SFSWAP: variants seen among roughly 807,000 people sequenced by gnomAD.
SFSWAP encodes the protein splicing factor, suppressor of white-apricot homolog.
In SFSWAP, 17 loss-of-function variants were observed where a neutral mutation model predicts 100.7. That is an observed-to-expected ratio of 0.17 (90% CI 0.12 to 0.25). The LOEUF (loss-of-function observed/expected upper bound fraction) is 0.25, where lower values mean the gene tolerates loss of function less well. Among genes scored for constraint, SFSWAP ranks in the 10% least tolerant of loss-of-function variants. The pLI is 1.00. For missense variants in SFSWAP, 1,005 were observed against 1,262.6 expected, an observed-to-expected ratio of 0.80 and a Z score of 3.09; for synonymous variants, 504 against 510.1, an observed-to-expected ratio of 0.99 and a Z score of 0.16.
chr12:131,796,839 G>T (rs544955344), intron 15 of SFSWAP: 16 of 218,376 alleles, frequency 7.3e-5, no homozygotes, highest in Non-Finnish European at 1.3e-4. Flanking sequence ...TAAATTTCCT[G>T]TATCTTTTTG....
chr12:131,743,096 T>A (rs2136210890), intron 7 of SFSWAP, among the ~76,000 whole-genome samples: 1 of 152,326 alleles, frequency 6.6e-6, no homozygotes, highest in Non-Finnish European at 1.5e-5. Flanking sequence ...TCCCACAACA[T>A]GTGGGAATAG....
chr12:131,720,688 C>T (rs1046858113), intron 4 of SFSWAP, among the ~76,000 whole-genome samples: 5 of 152,128 alleles, frequency 3.3e-5, no homozygotes, highest in Non-Finnish European at 5.9e-5. Context: ...TTGAGTTCAG[C>T]GTGAATTTGA....
At chr12:131,766,044 A>C in intron 12 of SFSWAP, 74 bp from the exon 13 acceptor site, 12 of 1,458,032 alleles carry the variant, frequency 8.2e-6, no homozygotes, top group South Asian at 2.7e-5. Context: ...ACACTTTTGC[A>C]ACCTGTGAAA....
chr12:131,758,728 C>T (rs533448829), intron 11 of SFSWAP, among the ~76,000 whole-genome samples: 2 of 152,332 alleles, frequency 1.3e-5, no homozygotes, highest in South Asian at 2.1e-4. Flanking sequence ...AGGCAGATCA[C>T]TTGAGTCCAG....
chr12:131,726,798 G>A, intron 5 of SFSWAP, 142 bp from the exon 6 acceptor site: 6 of 606,462 alleles, frequency 9.9e-6, no homozygotes, highest in Non-Finnish European at 1.4e-5. Flanking sequence ...GGACAACTTG[G>A]GTGACTCTAG....
intron 4 of SFSWAP, among the ~76,000 whole-genome samples, chr12:131,724,489 A>T (rs902897820): frequency 3.3e-5 from 5 of 152,258 alleles, no homozygotes; most frequent in Non-Finnish European, 1.5e-5. Flanking sequence ...AAATTAGAGA[A>T]TTAAGCCATT....
intron 11 of SFSWAP, among the ~76,000 whole-genome samples, chr12:131,762,244 CA>C (rs1000032574): frequency 6.7e-6 from 1 of 149,424 alleles, no homozygotes; most frequent in Non-Finnish European, 1.5e-5. Context: ...AAAAAAAAAA[CA>C]AAAAAAAAGT....
At chr12:131,738,763 T>C (rs1880288090) in intron 7 of SFSWAP, among the ~76,000 whole-genome samples, 1 of 152,164 alleles carries the variant, frequency 6.6e-6, no homozygotes, top group Non-Finnish European at 1.5e-5. Context: ...CTTCTAGCTG[T>C]AGCAACTACC....
At position 131,711,409 on chromosome 12, in the gene SFSWAP, C is replaced by T. The variant is rs1877321549; in HGVS notation, c.180C>T (p.Leu60=). The T allele has an allele frequency of 3.1e-6, 5 of 1,613,682 alleles. No individual in the cohort carries two copies. The East Asian group carries it at 6.7e-5, about 22-fold the overall frequency. The change falls in exon 1 of 18, where the codon CTC becomes CTT. Residue 60 remains leucine (L), a synonymous_variant. Transcript: ENST00000261674. This position sits in a 1 kb window ranked among gnomAD's most constrained non-coding sequence, Gnocchi z 4.9. ...TGGCTCAGGAACAGGGACAGCACCT[C>T]ATCCCCTGGATGGGGGACCACAAGA... ...RALAQEQGQH[L]IPWMGDHKIL...
Position 131,711,531 on chromosome 12 carries a change from C to A in SFSWAP, c.218+84C>A. 8.3e-7 allele frequency: 1 copy of A among 1,198,380 alleles called. No individual in the cohort carries two copies. The highest frequency in any genetic ancestry group is 1.2e-6 in the Non-Finnish European group (1 of 830,246). The allele number at this position is 1,198,380 out of a possible 1,614,324, so 74.2% of individuals were successfully genotyped here. A position where few individuals can be genotyped will look rare whatever the true frequency, so the allele number is the denominator to read the frequency against. On this transcript the variant is annotated intron_variant, in intron 1 of 17. Coordinates refer to ENST00000261674, the MANE Select transcript of SFSWAP (RefSeq NM_004592.4). This position sits in a 1 kb window ranked among gnomAD's most constrained non-coding sequence, Gnocchi z 4.9. ...GATGTTGACTTGACTGCAAGGACTG[C>A]AGAGAGTTTTCTGGAGCCAGCGGGG...
intron 15 of SFSWAP, among the ~76,000 whole-genome samples, chr12:131,789,365 A>G (rs1251194919): frequency 1.3e-5 from 2 of 152,146 alleles, no homozygotes; most frequent in Non-Finnish European, 2.9e-5. Context: ...AGTTTTTAAA[A>G]TAGTACAATG....
chr12:131,753,606 C>G, intron 8 of SFSWAP: 1 of 543,356 alleles, frequency 1.8e-6, no homozygotes, highest in Non-Finnish European at 3.2e-6. Flanking sequence ...TCACGTCGCA[C>G]GCTGGCCCCA....
rs1047065914 is a variant in SFSWAP at position 131,734,814 on chromosome 12, C to T, written c.1081+6386C>T. 2.6e-5 allele frequency among the ~76,000 whole-genome samples: 4 copies of T among 151,944 alleles called. No homozygotes were observed. The highest frequency in any genetic ancestry group is 3.9e-4 in the East Asian group (2 of 5,180). Reference sequence around the variant, plus strand: ...CTCCCTGCGTGCGCACGTCTACGTACGCTCGTGTATGCTGAGGAGCAGGCA... The same window carrying T: ...CTCCCTGCGTGCGCACGTCTACGTATGCTCGTGTATGCTGAGGAGCAGGCA... On this transcript the variant is annotated intron_variant, in intron 7 of 17. Transcript: ENST00000261674. This position sits in a 1 kb window ranked among gnomAD's most constrained non-coding sequence, Gnocchi z 4.9.
chr12:131,791,932 T>C (rs1173499498), intron 15 of SFSWAP, among the ~76,000 whole-genome samples: 1 of 152,254 alleles, frequency 6.6e-6, no homozygotes, highest in Non-Finnish European at 1.5e-5. Flanking sequence ...CCCGTGTGTG[T>C]TCACGGATCA....
At chr12:131,769,789 G>C (rs1377563262) in intron 13 of SFSWAP, among the ~76,000 whole-genome samples, 2 of 152,068 alleles carry the variant, frequency 1.3e-5, no homozygotes, top group Non-Finnish European at 2.9e-5. Flanking sequence ...ACCACGCCCG[G>C]CTAATTTTTT....
chr12:131,736,949 CTA>C (rs970354592), intron 7 of SFSWAP, among the ~76,000 whole-genome samples: 3 of 152,026 alleles, frequency 2.0e-5, no homozygotes, highest in African/African-American at 7.2e-5. Context: ...AGCGGGCAGT[CTA>C]TCAGTCTAAA....
intron 11 of SFSWAP, 31 bp from the exon 12 acceptor site, chr12:131,764,425 A>C (rs763770705): frequency 3.2e-6 from 5 of 1,571,278 alleles, no homozygotes; most frequent in Admixed American, 1.7e-5. Context: ...ACTCTGTAAC[A>C]TGTATCATAA....
intron 13 of SFSWAP, among the ~76,000 whole-genome samples, chr12:131,775,650 C>A (rs1277247355): frequency 6.6e-6 from 1 of 152,172 alleles, no homozygotes; most frequent in Non-Finnish European, 1.5e-5. Context: ...GTAAAGCTTA[C>A]TACCTTTTTA....
intron 7 of SFSWAP, among the ~76,000 whole-genome samples, chr12:131,746,638 G>A (rs1401070449): frequency 6.6e-6 from 1 of 152,200 alleles, no homozygotes; most frequent in African/African-American, 2.4e-5. Flanking sequence ...CCCAAGAAAG[G>A]GTACATAGGA....
Sources: allele counts gnomAD v4.1 joint callset (sites outside exome capture counted in the v4.1 genomes callset), GRCh38; gene constraint gnomAD v4.1.1; non-coding constraint Gnocchi (gnomAD v3.1); transcripts MANE v1.5; gene names NCBI Gene and HGNC (gene_info 2026-07-23, HGNC 2026-07-21).